The following TTC39A variants were observed in gnomAD, a reference collection of about 807,000 sequenced individuals.
TTC39A encodes the protein tetratricopeptide repeat protein 39A.
Under a neutral mutation model 82.3 loss-of-function variants are expected in TTC39A, and 46 were observed. That is an observed-to-expected ratio of 0.56 (90% confidence interval 0.44 to 0.71). TTC39A has a LOEUF of 0.71. TTC39A is among the 30% of genes least tolerant of loss of function. TTC39A has a pLI of 0.00. For missense variants in TTC39A, 543 were observed against 712.9 expected (o/e 0.76, Z 2.71); for synonymous variants, 254 against 275.2 (o/e 0.92, Z 0.76).
upstream of TTC39A, among the ~76,000 whole-genome samples, chr1:51,333,080 C>T (rs184298568): frequency 1.6e-4 from 24 of 152,024 alleles, no homozygotes; most frequent in South Asian, 2.7e-3. Context: ...GGCATGGTGG[C>T]GCACGCCTGT....
At chr1:51,308,244 C>G (rs1195564359) in intron 6 of TTC39A, among the ~76,000 whole-genome samples, 1 of 151,804 alleles carries the variant, frequency 6.6e-6, no homozygotes, top group Admixed American at 6.6e-5. Flanking sequence ...CGCCACCCCC[C>G]CTTTTTTTTT....
upstream of TTC39A, among the ~76,000 whole-genome samples, chr1:51,334,197 A>T (rs111892030): frequency 1.4e-3 from 183 of 129,362 alleles, no homozygotes; most frequent in African/African-American, 2.6e-3. Context: ...TGTCTCTACA[A>T]AAAAAAAAAA....
rs537829032 is a variant in TTC39A at position 51,328,228 on chromosome 1, A to G, written c.41+2209T>C. Among the ~76,000 whole-genome samples, 3 of 152,290 alleles carry G rather than the reference A, an allele frequency of 2.0e-5. No homozygotes were observed. In the East Asian group the frequency reaches 5.8e-4, roughly 29 times the overall value. ...ATTTAAGATCGAGTGCACATATCCA[A>G]CAACCCAGCAATTCCACTACTAAGG... On this transcript the variant is annotated intron_variant, in intron 1 of 17. Coordinates refer to ENST00000680483, the MANE Select transcript of TTC39A (RefSeq NM_001297663.2).
At chr1:51,313,596 C>T (rs1202099107) in intron 2 of TTC39A, among the ~76,000 whole-genome samples, 1 of 152,172 alleles carries the variant, frequency 6.6e-6, no homozygotes, top group Non-Finnish European at 1.5e-5. Flanking sequence ...CCCATCTGGT[C>T]ACATTCAAGA....
chr1:51,305,711 G>C (rs1030368164), intron 7 of TTC39A: 2 of 521,446 alleles, frequency 3.8e-6, no homozygotes, highest in African/African-American at 3.8e-5. Context: ...GTGCTGTGAA[G>C]GTTCCACCAT....
In TTC39A at chr1:51,330,103, A is replaced by G. The variant is rs984536343; in HGVS notation, c.41+334T>C. 1.0e-6 allele frequency: 1 copy of G among 978,758 alleles called. No individual in the cohort carries two copies. The highest frequency in any genetic ancestry group is 1.2e-6 in the Non-Finnish European group (1 of 823,912). 60.6% of individuals were successfully genotyped at this position (978,758 alleles called of 1,614,324 possible). A position where few individuals can be genotyped will look rare whatever the true frequency, so the allele number is the denominator to read the frequency against. ...CTCAGTTTCCTCATCTGTAATGGGG[A>G]TGAGAGTAACAGGGCCCACCCCACA... On this transcript the variant is annotated intron_variant, in intron 1 of 17. Transcript: ENST00000680483. This position sits in a 1 kb window ranked among gnomAD's most constrained non-coding sequence, Gnocchi z 4.5.
At chr1:51,290,380 G>A in intron 15 of TTC39A, 134 bp downstream of exon 15, 1 of 844,992 alleles carries the variant, frequency 1.2e-6, no homozygotes, top group Non-Finnish European at 1.8e-6. Flanking sequence ...CAGCTGCTTG[G>A]AGGAGCTCAG....
chr1:51,334,590 G>A (rs528465941), upstream of TTC39A, among the ~76,000 whole-genome samples: 1 of 152,106 alleles, frequency 6.6e-6, no homozygotes, highest in South Asian at 2.1e-4. Flanking sequence ...AGGAGGTTGA[G>A]GCTGCAGTGG....
chr1:51,339,461 G>GA (rs1372966234), intron 1 of TTC39A, among the ~76,000 whole-genome samples: 1 of 152,198 alleles, frequency 6.6e-6, no homozygotes, highest in African/African-American at 2.4e-5. Context: ...CTTGGGCTAA[G>GA]AGAAAAATTC....
chr1:51,342,878 T>C, intron 1 of TTC39A: 1 of 361,206 alleles, frequency 2.8e-6, no homozygotes, highest in Non-Finnish European at 5.7e-6. Context: ...TTCTCATTTC[T>C]TCCTTCTTAG....
intron 2 of TTC39A, among the ~76,000 whole-genome samples, chr1:51,316,387 C>T (rs1645285144): frequency 6.6e-6 from 1 of 152,170 alleles, no homozygotes. Flanking sequence ...TGCCCATCCT[C>T]CCTCCTCCAG....
chr1:51,324,213 G>A (rs746709543), intron 1 of TTC39A, among the ~76,000 whole-genome samples: 1 of 152,090 alleles, frequency 6.6e-6, no homozygotes, highest in African/African-American at 2.4e-5. Flanking sequence ...TGGTGGGGGC[G>A]GACCTTTTTT....
intron 2 of TTC39A, among the ~76,000 whole-genome samples, chr1:51,320,588 A>C (rs1349248177): frequency 1.3e-5 from 2 of 150,900 alleles, no homozygotes; most frequent in Non-Finnish European, 3.0e-5. Flanking sequence ...TATAGCTGAG[A>C]CTATAGGCGC....
At chr1:51,312,548 A>G (rs1197572674) in intron 3 of TTC39A, among the ~76,000 whole-genome samples, 1 of 152,068 alleles carries the variant, frequency 6.6e-6, no homozygotes, top group East Asian at 1.9e-4. Flanking sequence ...CTTCGTGTCC[A>G]GCCTGGCCTA....
At chr1:51,333,153 A>G (rs1287066310), upstream of TTC39A, among the ~76,000 whole-genome samples, 2 of 149,558 alleles carry the variant, frequency 1.3e-5, no homozygotes, top group South Asian at 2.1e-4. Flanking sequence ...CGAAGGTTGC[A>G]GTGAGCTGAG....
intron 12 of TTC39A, chr1:51,297,737 C>G (rs762632246): frequency 6.6e-6 from 1 of 152,432 alleles, no homozygotes; most frequent in Non-Finnish European, 1.5e-5. Context: ...TACACATTGT[C>G]TCCTATCTCC....
At chr1:51,317,299 T>C (rs1215212152) in intron 2 of TTC39A, among the ~76,000 whole-genome samples, 2 of 152,340 alleles carry the variant, frequency 1.3e-5, no homozygotes, top group Admixed American at 6.5e-5. Context: ...CCAGCAAGAA[T>C]TGTTTTCTCT....
intron 1 of TTC39A, chr1:51,322,186 G>GGT: frequency 6.6e-7 from 1 of 1,516,148 alleles, no homozygotes; most frequent in South Asian, 1.3e-5. Flanking sequence ...CCCCCAGGGG[G>GGT]TGCAGCCCAG....
At position 51,288,082 on chromosome 1, in the gene TTC39A, A is replaced by T; in HGVS notation, c.*75T>A. On this transcript the variant is annotated 3_prime_UTR_variant, in exon 18 of 18. Coordinates refer to ENST00000680483, the MANE Select transcript of TTC39A (RefSeq NM_001297663.2). The surrounding 1 kb of genome is among the most constrained non-coding windows in gnomAD (Gnocchi z 4.8). The stretch of plus-strand genomic sequence containing the variant: ...CCCAAAGGCAGGGCAGGGCAGGGGG[A>T]GGGGGTATTTTGAAATGTTTTCAGG... The T allele has an allele frequency of 1.9e-6, 3 of 1,570,752 alleles. No homozygotes were observed. Among genetic ancestry groups the T allele is most frequent in the Non-Finnish European group, 2.6e-6 (3 of 1,154,996 alleles).
Sources: allele counts gnomAD v4.1 joint callset (sites outside exome capture counted in the v4.1 genomes callset), GRCh38; gene constraint gnomAD v4.1.1; non-coding constraint Gnocchi (gnomAD v3.1); transcripts MANE v1.5; gene names NCBI Gene and HGNC (gene_info 2026-07-23, HGNC 2026-07-21).